Variants in LSAMP observed in about 807,000 individuals in gnomAD.
The protein encoded by LSAMP is limbic system associated membrane protein.
LSAMP carries 7 observed loss-of-function variants against 38.6 expected under a neutral mutation model. The observed-to-expected ratio is 0.18, with a 90% confidence interval of 0.10 to 0.34. The LOEUF (loss-of-function observed/expected upper bound fraction) is 0.34, where lower values mean the gene tolerates loss of function less well. LSAMP is among the 10% of genes least tolerant of loss of function. The pLI is 1.00. For synonymous variants in LSAMP, 154 were observed against 166.8 expected, an observed-to-expected ratio of 0.92 and a Z score of 0.59; for missense variants, 313 against 420.0, an observed-to-expected ratio of 0.75 and a Z score of 2.23.
chr3:116,038,296 T>A (rs1231303790), intron 2 of LSAMP, among the ~76,000 whole-genome samples: 2 of 152,138 alleles, frequency 1.3e-5, no homozygotes, highest in African/African-American at 4.8e-5. Context: ...GAAGTATTCA[T>A]AATAAATGTC....
At chr3:116,203,558 C>T (rs1244235689) in intron 1 of LSAMP, among the ~76,000 whole-genome samples, 1 of 118,486 alleles carries the variant, frequency 8.4e-6, no homozygotes, top group African/African-American at 3.2e-5. Context: ...CCACCCCCCA[C>T]CCCACCACAG....
intron 1 of LSAMP, among the ~76,000 whole-genome samples, chr3:116,245,885 T>C (rs1324022611): frequency 2.0e-5 from 3 of 152,184 alleles, no homozygotes; most frequent in African/African-American, 7.2e-5. Flanking sequence ...ATTTTCATTA[T>C]GTTCTTTCTC....
intron 2 of LSAMP, among the ~76,000 whole-genome samples, chr3:116,054,576 A>G (rs1489399423): frequency 6.6e-6 from 1 of 152,148 alleles, no homozygotes; most frequent in African/African-American, 2.4e-5. Context: ...AGCCCGAGAG[A>G]AAAGGGCTTC....
chr3:116,370,701 G>T (rs2048419281), intron 1 of LSAMP, among the ~76,000 whole-genome samples: 2 of 152,148 alleles, frequency 1.3e-5, no homozygotes, highest in African/African-American at 4.8e-5. Flanking sequence ...AGACAAAGAG[G>T]TGCCATCCGT....
chr3:115,925,698 G>C (rs1576224608), intron 3 of LSAMP, among the ~76,000 whole-genome samples: 1 of 152,094 alleles, frequency 6.6e-6, no homozygotes, highest in African/African-American at 2.4e-5. Flanking sequence ...TGAGTTATTG[G>C]CTTATTTATT....
intron 3 of LSAMP, among the ~76,000 whole-genome samples, chr3:115,969,324 T>C (rs550016533): frequency 2.0e-5 from 3 of 152,312 alleles, no homozygotes; most frequent in Admixed American, 2.0e-4. Context: ...TTTACAATAA[T>C]AGTTGGAAAA....
intron 1 of LSAMP, among the ~76,000 whole-genome samples, chr3:116,161,125 C>T (rs1291429509): frequency 6.6e-6 from 1 of 152,078 alleles, no homozygotes; most frequent in East Asian, 1.9e-4. Context: ...TGGCTAGTGG[C>T]TGCCACATTA....
At chr3:116,270,815 T>G (rs1413905025) in intron 1 of LSAMP, among the ~76,000 whole-genome samples, 1 of 151,560 alleles carries the variant, frequency 6.6e-6, no homozygotes, top group African/African-American at 2.4e-5. Flanking sequence ...AAACCAAATA[T>G]CCCACTTGAA....
rs771144365 is a variant in LSAMP at position 116,019,561 on chromosome 3, A to C, written c.468T>G (p.Asn156Lys). ...AGGTGATAACAGGTTCAGGACGGCC[A>C]TTGGCCATGCAGACCAGAGTCACGT... is the stretch of plus-strand genomic sequence containing the variant. The part of the protein sequence containing the change: ...GSNVTLVCMA[N>K]GRPEPVITWR... Residue 156 changes from asparagine (N) to lysine (K), a missense_variant, in exon 3 of 7, where the codon AAT becomes AAG. Transcript: ENST00000490035. 2.5e-6 allele frequency: 4 copies of C among 1,613,068 alleles called. No individual in the cohort carries two copies. The highest frequency in any genetic ancestry group is 3.4e-6 in the Non-Finnish European group (4 of 1,179,206).
intron 3 of LSAMP, among the ~76,000 whole-genome samples, chr3:115,908,842 C>T (rs1937072931): frequency 6.6e-6 from 1 of 152,168 alleles, no homozygotes; most frequent in Non-Finnish European, 1.5e-5. Flanking sequence ...CTGTCGTCAT[C>T]TCCAACCTGT....
At chr3:116,310,710 A>G (rs768086629) in intron 1 of LSAMP, among the ~76,000 whole-genome samples, 5 of 152,166 alleles carry the variant, frequency 3.3e-5, no homozygotes, top group African/African-American at 4.8e-5. Flanking sequence ...TTCCTAATAA[A>G]TGATGCCTAA....
chr3:116,056,460 C>A (rs942619933), intron 2 of LSAMP, among the ~76,000 whole-genome samples: 35 of 152,062 alleles, frequency 2.3e-4, no homozygotes, highest in African/African-American at 7.7e-4. Context: ...ATGATTCGGA[C>A]AGAGAAATTG....
chr3:116,113,404 ATATATATATATATATATTTTTTTTT>A (rs1708662476), intron 1 of LSAMP, among the ~76,000 whole-genome samples: 1 of 66,980 alleles, frequency 1.5e-5, no homozygotes, highest in Non-Finnish European at 2.9e-5. Context: ...TTTGCCCTAT[ATATATATATATATATATTTTTTTTT>A]TTTTTTTTTT....
chr3:115,895,256 G>T (rs1371373201), intron 3 of LSAMP, among the ~76,000 whole-genome samples: 2 of 152,066 alleles, frequency 1.3e-5, no homozygotes, highest in Non-Finnish European at 2.9e-5. Context: ...AGGCTGGACA[G>T]AAAAATCACT....
At chr3:115,820,222 C>G (rs1410250699) in intron 6 of LSAMP, among the ~76,000 whole-genome samples, 1 of 152,106 alleles carries the variant, frequency 6.6e-6, no homozygotes, top group African/African-American at 2.4e-5. Flanking sequence ...TCCAGGGCAC[C>G]GTGCTTAGAA....
chr3:116,324,384 A>G (rs1448953325), intron 1 of LSAMP, among the ~76,000 whole-genome samples: 4 of 152,166 alleles, frequency 2.6e-5, no homozygotes, highest in African/African-American at 7.2e-5. Flanking sequence ...ATCATCAAGC[A>G]TAATAGTCAT....
chr3:115,877,582 A>AGT (rs1392680077), intron 3 of LSAMP, among the ~76,000 whole-genome samples: 1 of 143,754 alleles, frequency 7.0e-6, no homozygotes, highest in Non-Finnish European at 1.5e-5. Context: ...ACGGGCCCAG[A>AGT]GTGTAGTATT....
intron 2 of LSAMP, among the ~76,000 whole-genome samples, chr3:116,034,971 A>G (rs1453500009): frequency 6.6e-6 from 1 of 152,224 alleles, no homozygotes; most frequent in African/African-American, 2.4e-5. Flanking sequence ...TGCACAACAC[A>G]TTAGGCTTTG....
chr3:116,074,607 C>T (rs1707692080), intron 2 of LSAMP, among the ~76,000 whole-genome samples: 1 of 152,134 alleles, frequency 6.6e-6, no homozygotes, highest in African/African-American at 2.4e-5. Flanking sequence ...ACACTCTCAA[C>T]AGGGAGATAT....
Sources: gnomAD v4.1 joint callset for allele counts (sites outside exome capture counted in the v4.1 genomes callset) on GRCh38, gnomAD v4.1.1 for gene constraint, MANE v1.5 for transcripts, NCBI Gene and HGNC (gene_info 2026-07-23, HGNC 2026-07-21) for gene names.